The following SNAP25 variants were observed in gnomAD, a reference collection of about 807,000 sequenced individuals.
The protein encoded by SNAP25 is synaptosome associated protein 25.
In SNAP25, 3 loss-of-function variants were observed where a neutral mutation model predicts 28.7. The ratio of observed to expected loss-of-function variants is 0.10; its 90% confidence interval spans 0.05 to 0.27. SNAP25 has a LOEUF of 0.27. Ranked by LOEUF, SNAP25 falls within the 10% of genes least tolerant of loss-of-function variation. The pLI is 1.00. For missense variants in SNAP25, 117 were observed against 278.7 expected (o/e 0.42, Z 4.13); for synonymous variants, 61 against 88.1 (o/e 0.69, Z 1.72).
chr20:10,299,078 G>C (rs1422529173), intron 6 of SNAP25, among the ~76,000 whole-genome samples, 190 bp from the exon 7 acceptor site: 3 of 149,262 alleles, frequency 2.0e-5, no homozygotes, highest in East Asian at 1.9e-4. Flanking sequence ...GAAATTCAAG[G>C]GTTCAAAAAG....
In SNAP25 at chr20:10,249,410, G is replaced by T. The variant is rs1037005130; in HGVS notation, c.-63-26019G>T. 2.0e-5 allele frequency among the ~76,000 whole-genome samples: 3 copies of T among 152,096 alleles called. No individual in the cohort carries two copies. In the South Asian group the frequency reaches 6.2e-4, roughly 32 times the overall value. On this transcript the variant is annotated intron_variant, in intron 1 of 7. Coordinates refer to ENST00000254976, the MANE Select transcript of SNAP25 (RefSeq NM_130811.4). Reference sequence around the variant, plus strand: ...TGAAGTATGAACAGAAAAAAAAAATGGCACAAAGATGTTACCTTTTGAAGC... The same window carrying T: ...TGAAGTATGAACAGAAAAAAAAAATTGCACAAAGATGTTACCTTTTGAAGC...
chr20:10,219,119 C>T (rs2062572348), intron 1 of SNAP25, 142 bp downstream of exon 1: 1 of 152,134 alleles, frequency 6.6e-6, no homozygotes. Context: ...GTGTGCACGT[C>T]TGGTGGGGGC....
chr20:10,234,723 C>G (rs904616671), intron 1 of SNAP25, among the ~76,000 whole-genome samples: 1 of 152,098 alleles, frequency 6.6e-6, no homozygotes, highest in African/African-American at 2.4e-5. Flanking sequence ...TGGGGAAACA[C>G]GATTAGACAT....
chr20:10,236,249 G>C (rs1403959058), intron 1 of SNAP25, among the ~76,000 whole-genome samples: 1 of 152,098 alleles, frequency 6.6e-6, no homozygotes, highest in East Asian at 1.9e-4. Flanking sequence ...TGGTTCAAGA[G>C]GGCACCTGAA....
intron 3 of SNAP25, among the ~76,000 whole-genome samples, chr20:10,282,153 AAGGAAGGATGGAAG>A (rs2063789084): frequency 1.2e-5 from 1 of 85,042 alleles, no homozygotes; most frequent in African/African-American, 6.8e-5. Flanking sequence ...GGAGGGAAGG[AAGGAAGGATGGAAG>A]GAAGGAAGGA....
intron 1 of SNAP25, among the ~76,000 whole-genome samples, chr20:10,254,820 T>G (rs1713826914): frequency 6.6e-6 from 1 of 152,180 alleles, no homozygotes; most frequent in Non-Finnish European, 1.5e-5. Flanking sequence ...AATTATTTTT[T>G]AATGCACTGG....
intron 1 of SNAP25, among the ~76,000 whole-genome samples, chr20:10,230,442 C>T (rs1232870595): frequency 1.3e-5 from 2 of 152,090 alleles, no homozygotes; most frequent in Non-Finnish European, 2.9e-5. Context: ...GTGCAATGAC[C>T]TTCTACAATC....
intron 4 of SNAP25, 32 bp downstream of exon 4, chr20:10,284,804 C>T (rs750278936): frequency 1.9e-6 from 3 of 1,558,622 alleles, no homozygotes; most frequent in African/African-American, 1.4e-5. Context: ...AAGAACAATT[C>T]CTCTTCTGAA....
intron 7 of SNAP25, among the ~76,000 whole-genome samples, chr20:10,301,018 G>A (rs561352959): frequency 5.0e-4 from 76 of 152,204 alleles, no homozygotes; most frequent in African/African-American, 1.8e-3. Flanking sequence ...TTCTATTAAT[G>A]GACCCACTTT....
intron 1 of SNAP25, among the ~76,000 whole-genome samples, chr20:10,254,060 G>A (rs112024669): frequency 5.9e-5 from 9 of 152,286 alleles, no homozygotes; most frequent in East Asian, 1.9e-4. Context: ...ATTTATCCCC[G>A]GAGGGTTCCT....
chr20:10,300,486 T>A (rs1173684778), intron 7 of SNAP25, among the ~76,000 whole-genome samples: 1 of 152,236 alleles, frequency 6.6e-6, no homozygotes, highest in African/African-American at 2.4e-5. Context: ...TGGGAGACGT[T>A]GAAGTTCTTT....
intron 1 of SNAP25, among the ~76,000 whole-genome samples, chr20:10,266,132 A>G (rs2063502551): frequency 1.3e-5 from 2 of 152,214 alleles, no homozygotes; most frequent in South Asian, 2.1e-4. Context: ...TTTGCCTAAC[A>G]GGGAAAGGCT....
chr20:10,246,230 GAGA>G (rs1400384049), intron 1 of SNAP25, among the ~76,000 whole-genome samples: 2 of 152,218 alleles, frequency 1.3e-5, no homozygotes, highest in Non-Finnish European at 2.9e-5. Flanking sequence ...TAGAGTAAAA[GAGA>G]AGATGGTGTG....
intron 1 of SNAP25, among the ~76,000 whole-genome samples, chr20:10,268,533 A>G (rs151262221): frequency 1.5e-3 from 232 of 152,240 alleles, no homozygotes; most frequent in African/African-American, 5.4e-3. Flanking sequence ...TCCCCAGCAT[A>G]ATAGCCATGT....
chr20:10,236,392 G>GGA lies in SNAP25; in HGVS notation c.-64+17416_-64+17417insAG, dbSNP rs199567842. Among the ~76,000 whole-genome samples the GGA allele has an allele frequency of 2.3e-4, 35 of 151,694 alleles. No homozygotes were observed. In the East Asian group the frequency reaches 6.8e-3, roughly 29 times the overall value. ...AAGTAAACTTTTCTGGATTCAAACTGGCAGGGTGGAGCAGGAGGGGATCAG... is the reference window on the plus strand; with the variant it reads ...AAGTAAACTTTTCTGGATTCAAACTGGAGCAGGGTGGAGCAGGAGGGGATCAG... On this transcript the variant is annotated intron_variant, in intron 1 of 7. Transcript: ENST00000254976.
At chr20:10,291,063 A>T (rs562058450) in intron 4 of SNAP25, among the ~76,000 whole-genome samples, 3 of 152,154 alleles carry the variant, frequency 2.0e-5, no homozygotes, top group East Asian at 1.9e-4. Context: ...CCTTTTAAAA[A>T]TTTTTTTTAA....
chr20:10,249,394 A>T (rs2063185597), intron 1 of SNAP25, among the ~76,000 whole-genome samples: 1 of 152,174 alleles, frequency 6.6e-6, no homozygotes, highest in Admixed American at 6.5e-5. Context: ...GTGAAGTATG[A>T]ACAGAAAAAA....
chr20:10,224,688 G>A (rs770297067), intron 1 of SNAP25, among the ~76,000 whole-genome samples: 35 of 151,894 alleles, frequency 2.3e-4, no homozygotes, highest in Non-Finnish European at 4.1e-4. Flanking sequence ...AGAATTGCTT[G>A]CCTTCATCTT....
At chr20:10,287,439 C>G (rs2063904137) in intron 4 of SNAP25, among the ~76,000 whole-genome samples, 1 of 151,412 alleles carries the variant, frequency 6.6e-6, no homozygotes, top group Non-Finnish European at 1.5e-5. Flanking sequence ...CAGAGAAATG[C>G]AAATCAAAAC....
Sources: allele counts gnomAD v4.1 joint callset (sites outside exome capture counted in the v4.1 genomes callset), GRCh38; gene constraint gnomAD v4.1.1; transcripts MANE v1.5; gene names NCBI Gene and HGNC (gene_info 2026-07-23, HGNC 2026-07-21).